Variants in ARMC2 observed in about 807,000 individuals in gnomAD.
ARMC2 encodes armadillo repeat containing 2.
In ARMC2, 67 loss-of-function variants were observed where a neutral mutation model predicts 90.3. The ratio of observed to expected loss-of-function variants is 0.74; its 90% CI spans 0.61 to 0.91. The LOEUF (loss-of-function observed/expected upper bound fraction) is 0.91, where lower values mean the gene tolerates loss of function less well. Ranked by LOEUF, ARMC2 falls within the 40% of genes least tolerant of loss-of-function variation. The pLI is 0.00. For synonymous variants in ARMC2, 393 were observed against 393.0 expected (o/e 1.00, Z 0.00); for missense variants, 920 against 1,030.9 (o/e 0.89, Z 1.47).
At chr6:108,937,698 TA>T (rs1160839899) in intron 12 of ARMC2, among the ~76,000 whole-genome samples, 2 of 152,190 alleles carry the variant, frequency 1.3e-5, no homozygotes, top group African/African-American at 2.4e-5. Flanking sequence ...TTTTTATTTT[TA>T]TTTTTTTATT....
the ARMC2 span, among the ~76,000 whole-genome samples, chr6:109,038,911 AAGGAGG>A: frequency 3.4e-4 from 51 of 149,790 alleles, no homozygotes; most frequent in African/African-American, 1.1e-3. Context: ...AGAAAAAAGG[AAGGAGG>A]AGGAGGAGGA....
At chr6:108,916,757 T>G (rs778362159) in intron 10 of ARMC2, among the ~76,000 whole-genome samples, 2 of 152,186 alleles carry the variant, frequency 1.3e-5, no homozygotes, top group Admixed American at 6.5e-5. Context: ...CTGTGACCTT[T>G]AAAGAGCTAC....
At chr6:108,891,988 A>AT (rs1467566750) in intron 5 of ARMC2, among the ~76,000 whole-genome samples, 1 of 152,178 alleles carries the variant, frequency 6.6e-6, no homozygotes, top group Non-Finnish European at 1.5e-5. Flanking sequence ...AGGACACTTC[A>AT]TTTTTTCCCC....
intron 5 of ARMC2, among the ~76,000 whole-genome samples, chr6:108,885,137 G>A (rs1321154471): frequency 1.3e-5 from 2 of 152,000 alleles, no homozygotes; most frequent in African/African-American, 4.8e-5. Flanking sequence ...AAGCTAACAT[G>A]GATAGCTACA....
intron 8 of ARMC2, among the ~76,000 whole-genome samples, chr6:108,909,173 C>T (rs1035521266): frequency 1.3e-5 from 2 of 152,146 alleles, no homozygotes; most frequent in South Asian, 2.1e-4. Flanking sequence ...GTTCAGATGA[C>T]CTTATTCCTA....
intron 17 of ARMC2, among the ~76,000 whole-genome samples, chr6:108,965,638 A>C (rs1475122873): frequency 6.6e-6 from 1 of 152,086 alleles, no homozygotes; most frequent in Non-Finnish European, 1.5e-5. Flanking sequence ...AATCAAAGGA[A>C]AGAAGATTGT....
At chr6:108,900,906 C>T (rs1186551478) in intron 7 of ARMC2, among the ~76,000 whole-genome samples, 4 of 152,038 alleles carry the variant, frequency 2.6e-5, no homozygotes, top group Admixed American at 2.6e-4. Context: ...TTACTATGTT[C>T]ACCCTCATCT....
intron 17 of ARMC2, among the ~76,000 whole-genome samples, chr6:108,969,850 T>C (rs759238681): frequency 6.6e-6 from 1 of 152,172 alleles, no homozygotes; most frequent in African/African-American, 2.4e-5. Context: ...GAGACCAGCT[T>C]GGGCAACGTA....
At chr6:109,004,877 T>C in the ARMC2 span, among the ~76,000 whole-genome samples, 1 of 152,228 alleles carries the variant, frequency 6.6e-6, no homozygotes, top group East Asian at 1.9e-4. Context: ...GATCAAAAAG[T>C]TTGATCACAG....
At chr6:108,886,811 C>G (rs1220460883) in intron 5 of ARMC2, among the ~76,000 whole-genome samples, 1 of 152,076 alleles carries the variant, frequency 6.6e-6, no homozygotes, top group Non-Finnish European at 1.5e-5. Flanking sequence ...AGCTTGCTGA[C>G]CTCTGACTAA....
At chr6:109,016,035 C>T in the ARMC2 span, among the ~76,000 whole-genome samples, 1 of 152,092 alleles carries the variant, frequency 6.6e-6, no homozygotes, top group East Asian at 1.9e-4. Context: ...AAAACCAAAC[C>T]TAATATCTTT....
At chr6:108,881,906 G>C (rs932625295) in intron 5 of ARMC2, among the ~76,000 whole-genome samples, 1 of 152,220 alleles carries the variant, frequency 6.6e-6, no homozygotes, top group South Asian at 2.1e-4. Context: ...ACCTCCGTTC[G>C]CTCTCTCTAT....
intron 10 of ARMC2, among the ~76,000 whole-genome samples, chr6:108,914,374 TC>T (rs1773742657): frequency 6.6e-6 from 1 of 152,076 alleles, no homozygotes; most frequent in Admixed American, 6.6e-5. Context: ...CCAGGTCGGA[TC>T]CCCCCTCCTT....
the ARMC2 span, among the ~76,000 whole-genome samples, chr6:109,005,726 A>G: frequency 6.6e-6 from 1 of 152,168 alleles, no homozygotes; most frequent in East Asian, 1.9e-4. Flanking sequence ...TAGCCTCCAA[A>G]TTGAAGAGTC....
intron 7 of ARMC2, among the ~76,000 whole-genome samples, chr6:108,903,217 G>A (rs555956325): frequency 6.6e-6 from 1 of 151,802 alleles, no homozygotes; most frequent in South Asian, 2.1e-4. Flanking sequence ...TAAGATGAAA[G>A]GTTCAAGATC....
the ARMC2 span, among the ~76,000 whole-genome samples, chr6:109,033,448 A>T: frequency 3.3e-5 from 5 of 152,206 alleles, no homozygotes; most frequent in Non-Finnish European, 7.3e-5. Context: ...ATGCTTATCA[A>T]TAGGATGATA....
At chr6:108,851,904 T>A (rs533666001) in intron 1 of ARMC2, among the ~76,000 whole-genome samples, 151 of 152,336 alleles carry the variant, frequency 9.9e-4, no homozygotes, top group Non-Finnish European at 1.7e-3. Flanking sequence ...ACATTAGTGG[T>A]TCTTCTTGCT....
intron 10 of ARMC2, among the ~76,000 whole-genome samples, chr6:108,927,635 C>T (rs976814985): frequency 1.3e-5 from 2 of 150,986 alleles, no homozygotes; most frequent in East Asian, 3.9e-4. Flanking sequence ...CTTAAATATT[C>T]CTTGGCCACA....
intron 3 of ARMC2, among the ~76,000 whole-genome samples, chr6:108,862,567 T>C (rs865879181): frequency 3.1e-4 from 47 of 152,092 alleles, no homozygotes; most frequent in African/African-American, 1.1e-3. Context: ...TACCTGACCT[T>C]CCACCTTTTT....
Sources: allele counts gnomAD v4.1 joint callset (sites outside exome capture counted in the v4.1 genomes callset), GRCh38; gene constraint gnomAD v4.1.1; transcripts MANE v1.5; gene names NCBI Gene and HGNC (gene_info 2026-07-23, HGNC 2026-07-21).